The following MYCBPAP variants were observed in gnomAD, a reference collection of about 807,000 sequenced individuals.
The protein encoded by MYCBPAP is MYCBP associated protein, also known as MYCBP-associated protein.
MYCBPAP carries 60 observed loss-of-function variants against 106.1 expected under a neutral mutation model. The observed-to-expected ratio is 0.57, with a 90% CI of 0.46 to 0.70. The LOEUF (loss-of-function observed/expected upper bound fraction) is 0.70, where lower values mean the gene tolerates loss of function less well. Ranked by LOEUF, MYCBPAP falls within the 30% of genes least tolerant of loss-of-function variation. The probability of loss-of-function intolerance (pLI) is 0.00; values close to 1 mark genes in which losing one functional copy is unlikely to be tolerated. For synonymous variants in MYCBPAP, 407 were observed against 440.6 expected, an observed-to-expected ratio of 0.92 and a Z score of 0.95; for missense variants, 1,064 against 1,169.3, an observed-to-expected ratio of 0.91 and a Z score of 1.31.
chr17:50,515,305 C>T (rs888834660), intron 1 of MYCBPAP, among the ~76,000 whole-genome samples: 3 of 152,012 alleles, frequency 2.0e-5, no homozygotes, highest in Admixed American at 1.3e-4. Context: ...GGTCTTGTTT[C>T]CCATTGGGCA....
At position 50,510,930 on chromosome 17, in the gene MYCBPAP, A is replaced by T. The variant is rs528000877; in HGVS notation, c.76+2180A>T. Among the ~76,000 whole-genome samples, 3 of 151,922 alleles carry T rather than the reference A, an allele frequency of 2.0e-5. No homozygotes were observed. In the East Asian group the frequency reaches 5.8e-4, roughly 29 times the overall value. ...CTCCTGCTCACATAGTTTCTGGGAGATCGTATCAGATTTGAACTGCTGTAA... is the reference window on the plus strand; with the variant it reads ...CTCCTGCTCACATAGTTTCTGGGAGTTCGTATCAGATTTGAACTGCTGTAA... On this transcript the variant is annotated intron_variant, in intron 1 of 18. Transcript: ENST00000323776.
chr17:50,511,482 A>G (rs1263408925), intron 1 of MYCBPAP, among the ~76,000 whole-genome samples: 2 of 152,086 alleles, frequency 1.3e-5, no homozygotes, highest in Non-Finnish European at 2.9e-5. Flanking sequence ...TTTAATCAAC[A>G]CTAAAAACGA....
At chr17:50,520,907 A>T (rs1359070026) in intron 7 of MYCBPAP, 5 of 553,718 alleles carry the variant, frequency 9.0e-6, no homozygotes, top group African/African-American at 1.9e-5. Flanking sequence ...GGCTATTTGG[A>T]AGCTAATTTT....
At chr17:50,528,003 C>A in intron 15 of MYCBPAP, 152 bp from the exon 16 acceptor site, 1 of 679,170 alleles carries the variant, frequency 1.5e-6, no homozygotes, top group Non-Finnish European at 2.6e-6. Context: ...CTTGCCCTGG[C>A]GGGGAACAGT....
rs1567900248 is a variant in MYCBPAP at position 50,531,375 on chromosome 17, G to GAT, written c.2774_2775dup (p.Glu926MetfsTer6). On this transcript the variant is annotated frameshift_variant, in exon 19 of 19. Coordinates refer to ENST00000323776, the MANE Select transcript of MYCBPAP (RefSeq NM_032133.6). LOFTEE classifies it low-confidence loss of function (END_TRUNC). ...GGTGACTGACCTGATGGTCCTGGCTGATGAGCTCAGCCCCATAAAGAATGT... is the reference window on the plus strand; with the variant it reads ...GGTGACTGACCTGATGGTCCTGGCTGATATGAGCTCAGCCCCATAAAGAATGT... 1 of 1,613,662 alleles carries GAT rather than the reference G, an allele frequency of 6.2e-7. No homozygotes were observed. The highest frequency in any genetic ancestry group is 1.7e-5 in the Admixed American group (1 of 59,960).
At chr17:50,521,013 A>G (rs1184961783) in intron 7 of MYCBPAP, 97 bp from the exon 8 acceptor site, 1 of 903,478 alleles carries the variant, frequency 1.1e-6, no homozygotes, top group South Asian at 1.5e-5. Context: ...CTTCCTAGAA[A>G]TGGTGTTGGG....
At chr17:50,520,064 A>G in intron 7 of MYCBPAP, 1 of 355,818 alleles carries the variant, frequency 2.8e-6, no homozygotes, top group Non-Finnish European at 5.1e-6. Flanking sequence ...GAGCGCCTGG[A>G]TCGTGGCTGC....
chr17:50,508,338 A>C, upstream of MYCBPAP: 1 of 474,760 alleles, frequency 2.1e-6, no homozygotes, highest in African/African-American at 2.1e-5. Context: ...GGCTCCCGCA[A>C]CTCGCGGGGG....
rs181207808 is a variant in MYCBPAP at position 50,523,695 on chromosome 17, A to G, written c.1546A>G (p.Thr516Ala). 6 of 1,613,774 alleles carry G rather than the reference A, an allele frequency of 3.7e-6. No individual in the cohort carries two copies. In the East Asian group the frequency reaches 1.3e-4, roughly 36 times the overall value. ...ATTTTGGGAGTTTCGAACCCATCCTACTCTATTAGGAGGTGCTATACTGCA... is the reference window on the plus strand; with the variant it reads ...ATTTTGGGAGTTTCGAACCCATCCTGCTCTATTAGGAGGTGCTATACTGCA... ...REFWEFRTHP[T>A]LLGGAILQVN... The change falls in exon 12 of 19, where the codon ACT becomes GCT. Residue 516 changes from threonine to alanine, a missense_variant. By Grantham distance (58) the Thr-to-Ala change is moderately conservative. Transcript: ENST00000323776.
intron 2 of MYCBPAP, 48 bp downstream of exon 2, chr17:50,516,745 C>T (rs755894322): frequency 4.1e-5 from 66 of 1,608,924 alleles, no homozygotes; most frequent in Admixed American, 6.7e-5. Flanking sequence ...GTTTCCCTGC[C>T]GGCAGCCTGA....
chr17:50,517,756 C>T (rs889974815), intron 4 of MYCBPAP, 58 bp downstream of exon 4: 2 of 1,408,274 alleles, frequency 1.4e-6, no homozygotes, highest in Non-Finnish European at 2.0e-6. Context: ...TTTGGTCTCC[C>T]ACCTGACACA....
At chr17:50,521,873 T>A in intron 9 of MYCBPAP, 100 bp from the exon 10 acceptor site, 1 of 1,023,000 alleles carries the variant, frequency 9.8e-7, no homozygotes, top group Non-Finnish European at 1.5e-6. Context: ...AGGGTAGAGC[T>A]GGTTGTGTTT....
rs1427978313 is a variant in MYCBPAP, at chr17:50,508,625, GTC to G, written c.-46_-45del. The G allele has an allele frequency of 1.3e-6, 2 of 1,569,658 alleles. No individual in the cohort carries two copies. Among genetic ancestry groups the G allele is most frequent in the East Asian group, 2.4e-5 (1 of 41,906 alleles). ...CTGGCGGGTGCGGCGCAGCCTCGGT[GTC>G]TCTGGGCCGGCGGTGCAGGGCAACG... On this transcript the variant is annotated 5_prime_UTR_variant, in exon 1 of 19. Transcript: ENST00000323776.
rs202159113 is a variant in MYCBPAP at position 50,525,926 on chromosome 17, C to T, written c.1828C>T (p.Arg610Cys). ...GGTGCAAAGCCTGCACCAACTGTGG[C>T]GCCAGTACATGACCCTGCCCGCCAA... The part of the protein sequence containing the change: ...QVVQSLHQLW[R>C]QYMTLPAKAE... The change falls in exon 14 of 19, where the codon CGC (arginine) becomes TGC (cysteine). Residue 610 changes from arginine (R) to cysteine (C), a missense_variant. By Grantham distance (180) the Arg-to-Cys change is radical. Coordinates refer to ENST00000323776, the MANE Select transcript of MYCBPAP (RefSeq NM_032133.6). 1.6e-4 allele frequency: 261 copies of T among 1,612,818 alleles called. No homozygotes were observed. Among genetic ancestry groups the T allele is most frequent in the Non-Finnish European group, 2.1e-4 (250 of 1,179,864 alleles).
chr17:50,513,318 C>A (rs1724084364), intron 1 of MYCBPAP, among the ~76,000 whole-genome samples: 1 of 150,668 alleles, frequency 6.6e-6, no homozygotes, highest in Non-Finnish European at 1.5e-5. Flanking sequence ...GCCCGGGAGG[C>A]GGAGGTTGCA....
In MYCBPAP at chr17:50,524,871, T is replaced by C. The variant is rs1223369423; in HGVS notation, c.1636-6T>C. 2 of 1,612,650 alleles carry C rather than the reference T, an allele frequency of 1.2e-6. No individual in the cohort carries two copies. Among genetic ancestry groups the C allele is most frequent in the Non-Finnish European group, 1.7e-6 (2 of 1,179,208 alleles). The stretch of plus-strand genomic sequence containing the variant: ...CTGCCATCCTCTGCCACCTTCCCTT[T>C]TGCAGAGCAAGCTGACTGCCCATGA... On this transcript the variant is annotated splice_polypyrimidine_tract_variant and splice_region_variant and intron_variant, in intron 12 of 18. Transcript: ENST00000323776.
intron 9 of MYCBPAP, 96 bp from the exon 10 acceptor site, chr17:50,521,874 GGTT>G: frequency 9.5e-7 from 1 of 1,047,554 alleles, no homozygotes; most frequent in Admixed American, 1.8e-5. Flanking sequence ...GGGTAGAGCT[GGTT>G]GTGTTTCTAG....
chr17:50,515,341 C>T (rs1206178808), intron 1 of MYCBPAP, among the ~76,000 whole-genome samples: 6 of 152,162 alleles, frequency 3.9e-5, no homozygotes, highest in Admixed American at 2.6e-4. Context: ...CAAGCTCTGG[C>T]ATGTATCCCT....
chr17:50,528,040 G>A lies in MYCBPAP; in HGVS notation c.2292-115G>A, dbSNP rs76045200. 6.7e-3 allele frequency: 5,440 copies of A among 813,078 alleles called. 217 individuals are homozygous for A. The African/African-American group carries it at 0.081, about 12-fold the overall frequency. 50.4% of individuals were successfully genotyped at this position (813,078 alleles called of 1,614,324 possible). A position where few individuals can be genotyped will look rare whatever the true frequency, so the allele number is the denominator to read the frequency against. On this transcript the variant is annotated intron_variant, in intron 15 of 18. Transcript: ENST00000323776. ...AGGATGCTGGCTGTTCAGGGGTGTG[G>A]CATTTCCACAGCAGCTCGTGGCACC... is the stretch of plus-strand genomic sequence containing the variant.
Sources: gnomAD v4.1 joint callset for allele counts (sites outside exome capture counted in the v4.1 genomes callset) on GRCh38, gnomAD v4.1.1 for gene constraint, MANE v1.5 for transcripts, NCBI Gene and HGNC (gene_info 2026-07-23, HGNC 2026-07-21) for gene names.